Variants in RABEP1 observed in about 807,000 individuals in gnomAD.
RABEP1 encodes the protein rabaptin, RAB GTPase binding effector protein 1.
In RABEP1, 51 loss-of-function variants were observed where a neutral mutation model predicts 123.4. The observed-to-expected ratio is 0.41, with a 90% CI of 0.33 to 0.52. The LOEUF (loss-of-function observed/expected upper bound fraction) is 0.52, where lower values mean the gene tolerates loss of function less well. Among genes scored for constraint, RABEP1 ranks in the 20% least tolerant of loss-of-function variants. RABEP1 has a pLI of 0.16. For missense variants in RABEP1, 888 were observed against 996.3 expected, an observed-to-expected ratio of 0.89 and a Z score of 1.46; for synonymous variants, 347 against 355.2, an observed-to-expected ratio of 0.98 and a Z score of 0.26.
At position 5,380,606 on chromosome 17, in the gene RABEP1, A is replaced by C. The variant is rs1911374101; in HGVS notation, c.2370+144A>C. The C allele has an allele frequency of 5.5e-6, 4 of 732,270 alleles. No individual in the cohort carries two copies. The East Asian group carries it at 8.5e-5, about 15-fold the overall frequency. The allele number at this position is 732,270 out of a possible 1,614,324, so 45.4% of individuals were successfully genotyped here. A position where few individuals can be genotyped will look rare whatever the true frequency, so the allele number is the denominator to read the frequency against. On this transcript the variant is annotated intron_variant, in intron 16 of 17. Transcript: ENST00000537505. Reference sequence around the variant, plus strand: ...AAACTGACAGCTTGTGAAAAGAAAAAACTTAAACGAATTGATCTATTCCAG... The same window carrying C: ...AAACTGACAGCTTGTGAAAAGAAAACACTTAAACGAATTGATCTATTCCAG...
At chr17:5,347,065 G>A (rs575992390) in intron 6 of RABEP1, 140 bp downstream of exon 6, 55 of 702,754 alleles carry the variant, frequency 7.8e-5, no homozygotes, top group Non-Finnish European at 1.0e-4. Context: ...TGGTTTAAAT[G>A]TACTCATGCA....
chr17:5,383,329 A>C lies in RABEP1; in HGVS notation c.*106A>C. The C allele has an allele frequency of 3.3e-6, 3 of 903,114 alleles. No homozygotes were observed. The highest frequency in any genetic ancestry group is 3.0e-5 in the South Asian group (2 of 66,946). 55.9% of individuals were successfully genotyped at this position (903,114 alleles called of 1,614,324 possible). A position where few individuals can be genotyped will look rare whatever the true frequency, so the allele number is the denominator to read the frequency against. ...AACTGAAGAAAGAGAAGTCACAACA[A>C]AAGGAAGACTGGAGAAATGCTTACT... On this transcript the variant is annotated 3_prime_UTR_variant, in exon 18 of 18. Coordinates refer to ENST00000537505, the MANE Select transcript of RABEP1 (RefSeq NM_004703.6).
intron 8 of RABEP1, among the ~76,000 whole-genome samples, chr17:5,357,772 AGGT>A (rs1909155980): frequency 6.6e-6 from 1 of 152,178 alleles, no homozygotes; most frequent in Non-Finnish European, 1.5e-5. Flanking sequence ...CTGGAAGCAG[AGGT>A]ACAGCACACC....
intron 1 of RABEP1, among the ~76,000 whole-genome samples, chr17:5,293,830 T>C (rs574028339): frequency 3.9e-5 from 6 of 152,334 alleles, no homozygotes; most frequent in South Asian, 2.1e-4. Flanking sequence ...TCATAACTTA[T>C]GTTGTTAGTG....
At chr17:5,358,055 TG>T (rs1484541693) in intron 8 of RABEP1, among the ~76,000 whole-genome samples, 3 of 151,990 alleles carry the variant, frequency 2.0e-5, no homozygotes, top group Non-Finnish European at 2.9e-5. Flanking sequence ...GGTTGGGATA[TG>T]GGTTTGGGAT....
chr17:5,383,213 C>G lies in RABEP1; in HGVS notation c.2579C>G (p.Pro860Arg). ...DTKLTDINQLPET is the reference protein window; with the variant it reads ...DTKLTDINQLRET ...AAACTGACAGACATTAACCAGCTTC[C>G]TGAGACATGACACCCTCATGGCAGG... The change falls in exon 18 of 18, where the codon CCT (proline) becomes CGT (arginine). Residue 860 changes from proline (P) to arginine (R), a missense_variant. Physicochemically the swap from Pro to Arg is moderately radical, Grantham distance 103. Transcript: ENST00000537505. The G allele has an allele frequency of 1.2e-6, 2 of 1,613,988 alleles. No homozygotes were observed. The highest frequency in any genetic ancestry group is 1.7e-6 in the Non-Finnish European group (2 of 1,179,900).
chr17:5,311,355 T>C (rs776438370), intron 2 of RABEP1, among the ~76,000 whole-genome samples: 9 of 152,118 alleles, frequency 5.9e-5, no homozygotes, highest in Non-Finnish European at 1.2e-4. Flanking sequence ...ATTATTAAAA[T>C]TTATTATAAA....
In RABEP1 at chr17:5,301,771, T is replaced by TA. The variant is rs765534217; in HGVS notation, c.35-6909dup. 3.8e-3 allele frequency among the ~76,000 whole-genome samples: 547 copies of TA among 143,974 alleles called. 4 individuals carry two copies. Among genetic ancestry groups the TA allele is most frequent in the African/African-American group, 0.011 (431 of 39,426 alleles). 94.5% of individuals were successfully genotyped at this position (143,974 alleles called of 152,430 possible). A position where few individuals can be genotyped will look rare whatever the true frequency, so the allele number is the denominator to read the frequency against. ...CTTAGGCCTAACCAATAACTTTGTTTAAAAAAAAAAAAAATCAACCACCTG... is the reference window on the plus strand; with the variant it reads ...CTTAGGCCTAACCAATAACTTTGTTTAAAAAAAAAAAAAAATCAACCACCTG... On this transcript the variant is annotated intron_variant, in intron 1 of 17. Transcript: ENST00000537505.
chr17:5,282,616 G>GC, intron 1 of RABEP1, 96 bp downstream of exon 1: 1 of 883,578 alleles, frequency 1.1e-6, no homozygotes, highest in Non-Finnish European at 1.4e-6. Flanking sequence ...GCAAGGGCGC[G>GC]CGCAGGCCCC....
chr17:5,357,266 G>C (rs1423569265), intron 8 of RABEP1, among the ~76,000 whole-genome samples: 10 of 152,124 alleles, frequency 6.6e-5, no homozygotes, highest in African/African-American at 1.9e-4. Flanking sequence ...CTAAGGTTTT[G>C]GCACATCATT....
intron 11 of RABEP1, among the ~76,000 whole-genome samples, chr17:5,366,467 A>G (rs896565889): frequency 2.6e-5 from 4 of 151,968 alleles, no homozygotes; most frequent in African/African-American, 9.7e-5. Flanking sequence ...TGTTTTTGAG[A>G]TGGAATCTTG....
At chr17:5,361,704 T>G in intron 9 of RABEP1, 29 bp downstream of exon 9, 1 of 1,538,426 alleles carries the variant, frequency 6.5e-7, no homozygotes, top group Non-Finnish European at 8.8e-7. Flanking sequence ...GTTTTTCCTC[T>G]TGCTCACGCT....
chr17:5,370,215 T>C (rs1240010803), intron 12 of RABEP1, among the ~76,000 whole-genome samples: 1 of 152,192 alleles, frequency 6.6e-6, no homozygotes, highest in Non-Finnish European at 1.5e-5. Flanking sequence ...TCTGTGTATG[T>C]TTGTAGGTAT....
At chr17:5,308,906 A>G (rs2144522159) in intron 2 of RABEP1, 84 bp downstream of exon 2, 2 of 1,292,928 alleles carry the variant, frequency 1.5e-6, no homozygotes, top group Non-Finnish European at 2.1e-6. Flanking sequence ...TAATTTTATC[A>G]TTGAATAAAC....
At chr17:5,372,299 G>C (rs1910581769) in intron 12 of RABEP1, among the ~76,000 whole-genome samples, 1 of 152,034 alleles carries the variant, frequency 6.6e-6, no homozygotes, top group South Asian at 2.1e-4. Context: ...AAAAAAATGA[G>C]CTGGGCGTGG....
chr17:5,297,441 A>G (rs749686027), intron 1 of RABEP1, among the ~76,000 whole-genome samples: 34 of 152,336 alleles, frequency 2.2e-4, no homozygotes, highest in Non-Finnish European at 4.1e-4. Context: ...ACTTCTGCTC[A>G]TGTGACTCAT....
chr17:5,316,529 A>G (rs2075297999), intron 2 of RABEP1, among the ~76,000 whole-genome samples: 2 of 150,572 alleles, frequency 1.3e-5, no homozygotes, highest in Admixed American at 6.6e-5. Context: ...GAGGAAATAT[A>G]TAGGATGTAA....
At chr17:5,341,475 C>T (rs1019018828) in intron 5 of RABEP1, among the ~76,000 whole-genome samples, 1 of 152,152 alleles carries the variant, frequency 6.6e-6, no homozygotes, top group Non-Finnish European at 1.5e-5. Flanking sequence ...CTCTTGCCTC[C>T]TCTCACCAAA....
At chr17:5,381,238 G>GC (rs1318201900) in intron 16 of RABEP1, 151 bp from the exon 17 acceptor site, 2 of 1,069,612 alleles carry the variant, frequency 1.9e-6, no homozygotes, top group African/African-American at 1.8e-5. Context: ...CTGCACGCTT[G>GC]CCCTATAGAT....
Sources: allele counts gnomAD v4.1 joint callset (sites outside exome capture counted in the v4.1 genomes callset), GRCh38; gene constraint gnomAD v4.1.1; transcripts MANE v1.5; gene names NCBI Gene and HGNC (gene_info 2026-07-23, HGNC 2026-07-21).